WIF1: variants seen among roughly 807,000 people sequenced by gnomAD.
WIF1 encodes the protein Wnt inhibitory factor 1.
In WIF1, 35 loss-of-function variants were observed where a neutral mutation model predicts 53.5. The ratio of observed to expected loss-of-function variants is 0.65; its 90% confidence interval spans 0.50 to 0.87. WIF1 has a LOEUF of 0.87. Ranked by LOEUF, WIF1 falls within the 40% of genes least tolerant of loss-of-function variation. The pLI, the probability that WIF1 is intolerant of heterozygous loss-of-function variation, is 0.00. For missense variants in WIF1, 467 were observed against 476.8 expected, an observed-to-expected ratio of 0.98 and a Z score of 0.19; for synonymous variants, 171 against 170.4, an observed-to-expected ratio of 1.00 and a Z score of -0.03.
Position 65,060,023 on chromosome 12 carries a change from T to TAA in WIF1, c.826+2456_826+2457dup, listed in dbSNP as rs35133919. ...ATGGCATCGGAGTATACATTTCATT[T>TAA]AAAAAAAAAACAAAAAACAAAGAGC... is the stretch of plus-strand genomic sequence containing the variant. On this transcript the variant is annotated intron_variant, in intron 7 of 9. Transcript: ENST00000286574. Among the ~76,000 whole-genome samples, 306 of 149,384 alleles carry TAA rather than the reference T, an allele frequency of 2.0e-3. 1 individual carries two copies. The highest frequency in any genetic ancestry group is 2.9e-3 in the Non-Finnish European group (198 of 67,372).
chr12:65,065,243 C>T (rs1022028451), intron 6 of WIF1, among the ~76,000 whole-genome samples: 3 of 151,932 alleles, frequency 2.0e-5, no homozygotes, highest in Non-Finnish European at 4.4e-5. Flanking sequence ...GGCTTAATTC[C>T]AAGTCTAGAG....
At chr12:65,084,672 C>T (rs1172678479) in intron 2 of WIF1, among the ~76,000 whole-genome samples, 1 of 152,180 alleles carries the variant, frequency 6.6e-6, no homozygotes, top group Admixed American at 6.5e-5. Context: ...TTGTGCACAG[C>T]AAGGCATTTG....
At position 65,094,036 on chromosome 12, in the gene WIF1, G is replaced by A. The variant is rs148810385; in HGVS notation, c.289-16182C>T. ...TATGAATTCCATATGTTACAGTCTC[G>A]GCATTAGCTAACAGTCCTGCATAAT... On this transcript the variant is annotated intron_variant, in intron 2 of 9. Transcript: ENST00000286574. 4.8e-3 allele frequency among the ~76,000 whole-genome samples: 729 copies of A among 152,184 alleles called. 5 individuals are homozygous for A. Among genetic ancestry groups the A allele is most frequent in the African/African-American group, 0.017 (694 of 41,512 alleles).
At chr12:65,091,916 A>G (rs1445848801) in intron 2 of WIF1, among the ~76,000 whole-genome samples, 1 of 152,176 alleles carries the variant, frequency 6.6e-6, no homozygotes, top group Admixed American at 6.5e-5. Flanking sequence ...TCAGCAAAAG[A>G]AGTAAAAACT....
chr12:65,097,116 A>G (rs1883216953), intron 2 of WIF1, among the ~76,000 whole-genome samples: 1 of 151,958 alleles, frequency 6.6e-6, no homozygotes, highest in South Asian at 2.1e-4. Flanking sequence ...GTGTGGATGT[A>G]TGGAAACTAA....
chr12:65,099,750 G>T (rs1883252750), intron 2 of WIF1, among the ~76,000 whole-genome samples: 1 of 152,086 alleles, frequency 6.6e-6, no homozygotes, highest in Admixed American at 6.6e-5. Context: ...TCTTTTACAA[G>T]CACCCATAAG....
intron 2 of WIF1, among the ~76,000 whole-genome samples, chr12:65,116,070 A>G (rs1430033336): frequency 1.3e-5 from 2 of 152,262 alleles, no homozygotes; most frequent in African/African-American, 4.8e-5. Flanking sequence ...AATTCATTGT[A>G]GAAAAACCAA....
intron 6 of WIF1, 41 bp downstream of exon 6, chr12:65,066,600 T>C (rs918547259): frequency 1.3e-6 from 2 of 1,536,434 alleles, no homozygotes; most frequent in Non-Finnish European, 1.8e-6. Flanking sequence ...TCAAACATTT[T>C]AAAAGTAAAA....
chr12:65,069,434 T>A (rs755519921), intron 3 of WIF1, among the ~76,000 whole-genome samples: 2 of 152,186 alleles, frequency 1.3e-5, no homozygotes, highest in Non-Finnish European at 2.9e-5. Context: ...ACTATGTGTA[T>A]GTGAAAGTGA....
chr12:65,063,637 T>TA (rs1449527374), intron 6 of WIF1, among the ~76,000 whole-genome samples: 1 of 151,792 alleles, frequency 6.6e-6, no homozygotes, highest in African/African-American at 2.4e-5. Flanking sequence ...AAATTGTGTT[T>TA]AAAATCACAA....
rs189084671 is a variant in WIF1, at chr12:65,067,318, A to G, written c.634+377T>C. Among the ~76,000 whole-genome samples, 326 of 152,246 alleles carry G rather than the reference A, an allele frequency of 2.1e-3. 2 individuals carry two copies. Among genetic ancestry groups the G allele is most frequent in the African/African-American group, 7.4e-3 (306 of 41,550 alleles). On this transcript the variant is annotated intron_variant, in intron 5 of 9. Transcript: ENST00000286574. Reference sequence around the variant, plus strand: ...CTGAAATTGATGTACTTACTACACAAATTCATCCACTTTTTTGCCTTATCA... The same window carrying G: ...CTGAAATTGATGTACTTACTACACAGATTCATCCACTTTTTTGCCTTATCA...
intron 2 of WIF1, among the ~76,000 whole-genome samples, chr12:65,096,128 G>A (rs1883200766): frequency 6.6e-6 from 1 of 152,066 alleles, no homozygotes; most frequent in Admixed American, 6.6e-5. Context: ...ATCTGACAAA[G>A]GTCTAATATC....
At chr12:65,104,920 G>C (rs1242658007) in intron 2 of WIF1, among the ~76,000 whole-genome samples, 1 of 152,188 alleles carries the variant, frequency 6.6e-6, no homozygotes, top group East Asian at 1.9e-4. Context: ...CAGGGCTTAA[G>C]AAATGCAAAG....
chr12:65,074,261 A>G (rs745634348), intron 3 of WIF1, among the ~76,000 whole-genome samples: 9 of 151,994 alleles, frequency 5.9e-5, no homozygotes, highest in Non-Finnish European at 7.4e-5. Context: ...AGACACAAAA[A>G]GTGAAAAAAG....
chr12:65,076,201 C>G (rs915338827), intron 3 of WIF1, among the ~76,000 whole-genome samples: 35 of 152,024 alleles, frequency 2.3e-4, no homozygotes, highest in African/African-American at 8.2e-4. Context: ...TCACACCTGG[C>G]TAATTTTTTT....
chr12:65,097,623 T>G (rs1883225219), intron 2 of WIF1, among the ~76,000 whole-genome samples: 1 of 152,172 alleles, frequency 6.6e-6, no homozygotes, highest in Non-Finnish European at 1.5e-5. Context: ...CACTCCCAAG[T>G]CTTATCATTT....
intron 7 of WIF1, among the ~76,000 whole-genome samples, chr12:65,057,502 G>A (rs1283781988): frequency 6.6e-6 from 1 of 152,122 alleles, no homozygotes; most frequent in Non-Finnish European, 1.5e-5. Flanking sequence ...TTGAAGAAGT[G>A]GAAGATAAGT....
At chr12:65,077,502 T>C (rs1882881963) in intron 3 of WIF1, among the ~76,000 whole-genome samples, 1 of 152,140 alleles carries the variant, frequency 6.6e-6, no homozygotes, top group African/African-American at 2.4e-5. Flanking sequence ...TCTGGAATCA[T>C]TTATGAACTT....
chr12:65,063,492 G>A (rs1882644015), intron 6 of WIF1, among the ~76,000 whole-genome samples: 1 of 151,954 alleles, frequency 6.6e-6, no homozygotes, highest in South Asian at 2.1e-4. Context: ...GGCTATAGAT[G>A]AACAAAAGCT....
Sources: gnomAD v4.1 joint callset for allele counts (sites outside exome capture counted in the v4.1 genomes callset) on GRCh38, gnomAD v4.1.1 for gene constraint, MANE v1.5 for transcripts, NCBI Gene and HGNC (gene_info 2026-07-23, HGNC 2026-07-21) for gene names.